COL6A3: variants seen among roughly 807,000 people sequenced by gnomAD.
The protein encoded by COL6A3 is collagen type VI alpha 3 chain.
A neutral mutation model predicts 274.1 loss-of-function variants in COL6A3; 137 were observed. The observed-to-expected ratio is 0.50, with a 90% CI of 0.44 to 0.58. The LOEUF (loss-of-function observed/expected upper bound fraction) is 0.58, where lower values mean the gene tolerates loss of function less well. Ranked by LOEUF, COL6A3 falls within the 20% of genes least tolerant of loss-of-function variation. The pLI is 0.00. For synonymous variants in COL6A3, 1,650 were observed against 1,650.6 expected (o/e 1.00, Z 0.01); for missense variants, 3,950 against 4,124.9 (o/e 0.96, Z 1.16).
At position 237,394,991 on chromosome 2, in the gene COL6A3, A is replaced by T. The variant is rs1382691549; in HGVS notation, c.305T>A (p.Val102Asp). Residue 102 changes from valine to aspartate, a missense_variant, in exon 3 of 44, where the codon GTC becomes GAC. Val to Asp is a radical substitution (Grantham distance 152, BLOSUM62 -3). This residue lies in a region of COL6A3 where 1,934 missense variants were observed against 1,984.3 expected (regional missense o/e 0.97). Coordinates refer to ENST00000295550, the MANE Select transcript of COL6A3 (RefSeq NM_004369.4). The part of the protein sequence containing the change: ...LLNTYRTKQE[V>D]LSHISNMSYI... Reference sequence around the variant, plus strand: ...AGACATGTTGGAAATATGAGAAAGGACTTCTTGTTTAGTACGATACGTATT... The same window carrying T: ...AGACATGTTGGAAATATGAGAAAGGTCTTCTTGTTTAGTACGATACGTATT... 1.9e-6 allele frequency: 3 copies of T among 1,614,148 alleles called. No homozygotes were observed. Among genetic ancestry groups the T allele is most frequent in the Non-Finnish European group, 1.7e-6 (2 of 1,180,022 alleles).
At chr2:237,351,773 T>C (rs921584499) in intron 26 of COL6A3, among the ~76,000 whole-genome samples, 2 of 152,256 alleles carry the variant, frequency 1.3e-5, no homozygotes, top group African/African-American at 4.8e-5. Context: ...GTTAAGTAAA[T>C]GTTTTTTAAA....
At position 237,365,788 on chromosome 2, in the gene COL6A3, G is replaced by A; in HGVS notation, c.5748C>T (p.Asn1916=). The stretch of plus-strand genomic sequence containing the variant: ...GGACGTAGGGGTGCTGGCTGCGCAT[G>A]TTCCGGAACTTCTCGAGCATCTCTG... ...YQPEMLEKFR[N]MRSQHPYVLT... is the part of the protein sequence containing the mutation. Residue 1916 remains asparagine, a synonymous_variant, in exon 12 of 44, where the codon AAC becomes AAT. Coordinates refer to ENST00000295550, the MANE Select transcript of COL6A3 (RefSeq NM_004369.4). 1.2e-6 allele frequency: 2 copies of A among 1,614,228 alleles called. No homozygotes were observed. Among genetic ancestry groups the A allele is most frequent in the Non-Finnish European group, 1.7e-6 (2 of 1,180,048 alleles).
At chr2:237,388,210 T>A in intron 3 of COL6A3, 26 bp from the exon 4 acceptor site, 2 of 1,613,354 alleles carry the variant, frequency 1.2e-6, no homozygotes, top group Non-Finnish European at 1.7e-6. Context: ...ATGCAAAAAA[T>A]GTGAAAGCAT....
Position 237,365,946 on chromosome 2 carries a change from C to T in COL6A3, c.5590G>A (p.Ala1864Thr), listed in dbSNP as rs756521643. Residue 1864 changes from alanine (A) to threonine (T), a missense_variant, in exon 12 of 44, where the codon GCC becomes ACC. Coordinates refer to ENST00000295550, the MANE Select transcript of COL6A3 (RefSeq NM_004369.4). ...AQKGFESKVD[A>T]ILNRISQMHR... is the part of the protein sequence containing the mutation. The stretch of plus-strand genomic sequence containing the variant: ...ATCTGGCTGATTCTGTTCAAGATGG[C>T]GTCCACCTTGGACTCGAAGCCCTTC... 1.9e-5 allele frequency: 31 copies of T among 1,613,944 alleles called. No homozygotes were observed. The highest frequency in any genetic ancestry group is 1.6e-4 in the Middle Eastern group (1 of 6,082).
chr2:237,375,577 T>G (rs925995805), intron 7 of COL6A3, among the ~76,000 whole-genome samples: 1 of 152,218 alleles, frequency 6.6e-6, no homozygotes, highest in Non-Finnish European at 1.5e-5. Flanking sequence ...AATTTCGCTC[T>G]TGTCGCCCAG....
At chr2:237,366,666 T>C (rs769466762) in intron 11 of COL6A3, 21 bp downstream of exon 11, 1 of 1,614,002 alleles carries the variant, frequency 6.2e-7, no homozygotes, top group Admixed American at 1.7e-5. Context: ...GGATGGAAAA[T>C]ATGCACATAA....
rs766468965 is a variant in COL6A3 at position 237,344,896 on chromosome 2, G to A, written c.7174+45C>T. ...AAGACAAACTGTACTTACTACAAAA[G>A]GGAGGCTTCCTTTCCTTAGGAGAAA... On this transcript the variant is annotated intron_variant, in intron 35 of 43. Coordinates refer to ENST00000295550, the MANE Select transcript of COL6A3 (RefSeq NM_004369.4). This position sits in a 1 kb window ranked among gnomAD's most constrained non-coding sequence, Gnocchi z 4.8. 1 of 1,614,042 alleles carries A rather than the reference G, an allele frequency of 6.2e-7. No homozygotes were observed. The highest frequency in any genetic ancestry group is 1.1e-5 in the South Asian group (1 of 91,080).
chr2:237,366,686 C>A lies in COL6A3; in HGVS notation c.5500+1G>T. 6.2e-7 allele frequency: 1 copy of A among 1,614,204 alleles called. No homozygotes were observed. The highest frequency in any genetic ancestry group is 2.2e-5 in the East Asian group (1 of 44,882). On this transcript the variant is annotated splice_donor_variant, in intron 11 of 43. Coordinates refer to ENST00000295550, the MANE Select transcript of COL6A3 (RefSeq NM_004369.4). LOFTEE classifies it high-confidence loss of function. ...GAAAATATGCACATAATGGGAGTTA[C>A]CTTTGGCAGCATCAGTTACACCAGG... is the stretch of plus-strand genomic sequence containing the variant.
chr2:237,402,197 C>G (rs760797466), intron 1 of COL6A3, among the ~76,000 whole-genome samples: 3 of 151,968 alleles, frequency 2.0e-5, no homozygotes, highest in Non-Finnish European at 4.4e-5. Flanking sequence ...GAAAAAGAAC[C>G]TAGAATGGTG....
intron 3 of COL6A3, among the ~76,000 whole-genome samples, chr2:237,391,291 C>T (rs1310671966): frequency 1.3e-5 from 2 of 152,282 alleles, no homozygotes; most frequent in African/African-American, 4.8e-5. Context: ...GGCTTGGACA[C>T]TAGAAGACAG....
chr2:237,339,671 T>C (rs1012948074), intron 38 of COL6A3, among the ~76,000 whole-genome samples: 1 of 152,208 alleles, frequency 6.6e-6, no homozygotes, highest in Non-Finnish European at 1.5e-5. Flanking sequence ...CATATACATG[T>C]TTATTTATAC....
rs776354175 is a variant in COL6A3, at chr2:237,334,714, G to T, written c.9141C>A (p.Gly3047=). ...NLTVTDRVIG[G]LLAGQTYHVA... is the part of the protein sequence containing the mutation. ...CATGGTATGTCTGCCCAGCGAGCAG[G>T]CCTCCAATGACGCGGTCCGTGACCG... Residue 3047 remains glycine, a synonymous_variant, in exon 41 of 44, where the codon GGC becomes GGA. Transcript: ENST00000295550. 3 of 1,613,906 alleles carry T rather than the reference G, an allele frequency of 1.9e-6. No individual in the cohort carries two copies. Among genetic ancestry groups the T allele is most frequent in the African/African-American group, 2.7e-5 (2 of 74,898 alleles).
chr2:237,406,443 G>A (rs2078720135), intron 1 of COL6A3, among the ~76,000 whole-genome samples: 1 of 152,072 alleles, frequency 6.6e-6, no homozygotes, highest in Admixed American at 6.5e-5. Context: ...TGGGACTTCT[G>A]TTAGTTCCTA....
intron 42 of COL6A3, among the ~76,000 whole-genome samples, chr2:237,332,088 TATATATATATATATATATA>T (rs1272823228): frequency 3.2e-4 from 10 of 31,078 alleles, no homozygotes; most frequent in South Asian, 1.1e-3. Context: ...TATATATATA[TATATATATATATATATATA>T]TATATATATA....
chr2:237,391,804 C>T (rs558658877), intron 3 of COL6A3, among the ~76,000 whole-genome samples: 3 of 152,274 alleles, frequency 2.0e-5, no homozygotes, highest in South Asian at 4.2e-4. Flanking sequence ...GGATTATAGG[C>T]GTGAGCCCCT....
Position 237,361,921 on chromosome 2 carries a change from T to G in COL6A3, c.6064-90A>C. ...GCGCTTTAAGGGTCAAAATCGGATG[T>G]GTGGGGGTTTCACGGTGTGAGATGA... On this transcript the variant is annotated intron_variant, in intron 14 of 43. Coordinates refer to ENST00000295550, the MANE Select transcript of COL6A3 (RefSeq NM_004369.4). This position sits in a 1 kb window ranked among gnomAD's most constrained non-coding sequence, Gnocchi z 5.1. The G allele has an allele frequency of 8.8e-7, 1 of 1,133,378 alleles. No individual in the cohort carries two copies. The allele number at this position is 1,133,378 out of a possible 1,614,324, so 70.2% of individuals were successfully genotyped here. A position where few individuals can be genotyped will look rare whatever the true frequency, so the allele number is the denominator to read the frequency against.
chr2:237,382,543 A>G (rs2078035106), intron 4 of COL6A3, among the ~76,000 whole-genome samples: 1 of 152,248 alleles, frequency 6.6e-6, no homozygotes, highest in Non-Finnish European at 1.5e-5. Flanking sequence ...TATTGCAAGA[A>G]CCATGAACTC....
At chr2:237,332,337 T>G (rs554512763) in intron 42 of COL6A3, among the ~76,000 whole-genome samples, 1 of 151,840 alleles carries the variant, frequency 6.6e-6, no homozygotes, top group African/African-American at 2.4e-5. Context: ...TGGCTAAAAT[T>G]TTTCTATTTC....
chr2:237,347,966 A>G (rs771968577), intron 30 of COL6A3, 97 bp from the exon 31 acceptor site: 266 of 1,144,428 alleles, frequency 2.3e-4, no homozygotes, highest in Non-Finnish European at 3.3e-4. Flanking sequence ...TGTGGGTCAC[A>G]CTTTTCCCGG....
Sources: allele counts gnomAD v4.1 joint callset (sites outside exome capture counted in the v4.1 genomes callset), GRCh38; gene constraint gnomAD v4.1.1; regional missense constraint gnomAD v4.1.1; non-coding constraint Gnocchi (gnomAD v3.1); transcripts MANE v1.5; gene names NCBI Gene and HGNC (gene_info 2026-07-23, HGNC 2026-07-21).